The following RAPGEF4 variants were observed in gnomAD, a reference collection of about 807,000 sequenced individuals.
RAPGEF4 encodes RAP guanine-nucleotide-exchange factor (GEF) 4.
A neutral mutation model predicts 147.9 loss-of-function variants in RAPGEF4; 66 were observed. That is an observed-to-expected ratio of 0.45 (90% confidence interval 0.37 to 0.55). RAPGEF4 has a LOEUF of 0.55. RAPGEF4 is among the 20% of genes least tolerant of loss of function. The pLI is 0.00. For synonymous variants in RAPGEF4, 419 were observed against 442.7 expected (o/e 0.95, Z 0.67); for missense variants, 1,071 against 1,257.3 (o/e 0.85, Z 2.24).
At chr2:173,049,101 TTAA>T (rs1355748790) in intron 30 of RAPGEF4, among the ~76,000 whole-genome samples, 6 of 152,210 alleles carry the variant, frequency 3.9e-5, no homozygotes, top group Non-Finnish European at 7.3e-5. Context: ...CAAGAATGCA[TTAA>T]TGTTTATAGC....
chr2:172,837,638 A>G (rs574678766), intron 4 of RAPGEF4, among the ~76,000 whole-genome samples: 1 of 152,244 alleles, frequency 6.6e-6, no homozygotes, highest in Non-Finnish European at 1.5e-5. Context: ...GCAGTGGGGT[A>G]ATTGTAGCTC....
intron 1 of RAPGEF4, among the ~76,000 whole-genome samples, chr2:172,779,156 G>C (rs1001120184): frequency 6.6e-6 from 1 of 152,046 alleles, no homozygotes. Flanking sequence ...AGATACAATT[G>C]TTTTTAAAAA....
intron 20 of RAPGEF4, 62 bp from the exon 21 acceptor site, chr2:173,017,364 C>T (rs1347615990): frequency 3.3e-6 from 5 of 1,531,080 alleles, no homozygotes; most frequent in Non-Finnish European, 4.5e-6. Flanking sequence ...TGTGTCTTCT[C>T]TGAGATGCTA....
In RAPGEF4 at chr2:172,840,399, G is replaced by C. The variant is rs575975558; in HGVS notation, c.444+25974G>C. ...CCAGATCAACCTGGTTATCATAGCA[G>C]AGTACTATGTTTCCACTTCAACATC... is the stretch of plus-strand genomic sequence containing the variant. On this transcript the variant is annotated intron_variant, in intron 4 of 30. Transcript: ENST00000397081. Among the ~76,000 whole-genome samples the C allele has an allele frequency of 2.0e-5, 3 of 152,346 alleles. No homozygotes were observed. In the East Asian group the frequency reaches 5.8e-4, roughly 29 times the overall value.
At chr2:172,971,981 T>C (rs1348208021) in intron 10 of RAPGEF4, among the ~76,000 whole-genome samples, 1 of 150,902 alleles carries the variant, frequency 6.6e-6, no homozygotes, top group East Asian at 2.0e-4. Flanking sequence ...TTAAGAAATA[T>C]GGAAACGTGA....
chr2:173,050,971 A>G (rs922743715), intron 30 of RAPGEF4, among the ~76,000 whole-genome samples: 1 of 152,176 alleles, frequency 6.6e-6, no homozygotes, highest in East Asian at 1.9e-4. Context: ...GGTTAACCTC[A>G]GTTGCTCACA....
intron 6 of RAPGEF4, among the ~76,000 whole-genome samples, chr2:172,947,035 GA>G (rs1183989344): frequency 6.6e-6 from 1 of 152,210 alleles, no homozygotes; most frequent in African/African-American, 2.4e-5. Context: ...ACGTATTTGT[GA>G]AAATTTCTGA....
chr2:172,904,547 A>G (rs555293654), intron 4 of RAPGEF4, among the ~76,000 whole-genome samples: 14 of 152,218 alleles, frequency 9.2e-5, no homozygotes, highest in African/African-American at 3.1e-4. Context: ...CTAAAATTAC[A>G]CTCATACCAG....
chr2:172,744,567 T>C (rs1293754588), intron 1 of RAPGEF4: 1 of 301,760 alleles, frequency 3.3e-6, no homozygotes, highest in Non-Finnish European at 6.7e-6. Context: ...AGTTATTTGG[T>C]TCTAGTAGTT....
intron 4 of RAPGEF4, among the ~76,000 whole-genome samples, chr2:172,823,140 A>G (rs202092129): frequency 1.3e-5 from 2 of 152,234 alleles, no homozygotes; most frequent in East Asian, 1.9e-4. Context: ...ATCCAAGGAC[A>G]AAGAGATCTG....
In RAPGEF4 at chr2:173,020,661, G is replaced by A. The variant is rs61756295; in HGVS notation, c.2199G>A (p.Thr733=). The A allele has an allele frequency of 4.8e-5, 77 of 1,613,758 alleles. No homozygotes were observed. The highest frequency in any genetic ancestry group is 1.3e-4 in the East Asian group (6 of 44,866). Residue 733 remains threonine, a synonymous_variant, in exon 23 of 31, where the codon ACG becomes ACA. Coordinates refer to ENST00000397081, the MANE Select transcript of RAPGEF4 (RefSeq NM_007023.4). The part of the protein sequence containing the change: ...LKPNDVSVFT[T]LTINGRLFAC... ...CTAATGATGTTTCAGTATTTACGAC[G>A]CTCACCATTAATGGACGCCTGTTTG...
chr2:172,869,018 T>C (rs1694934209), intron 4 of RAPGEF4, among the ~76,000 whole-genome samples: 1 of 152,234 alleles, frequency 6.6e-6, no homozygotes, highest in Non-Finnish European at 1.5e-5. Context: ...ATCTTGTAGG[T>C]TCTCAATAAG....
chr2:173,037,272 T>C (rs78451663), intron 29 of RAPGEF4, among the ~76,000 whole-genome samples: 1 of 135,166 alleles, frequency 7.4e-6, no homozygotes, highest in Non-Finnish European at 1.7e-5. Context: ...CTGGCTAAAG[T>C]GCAGTGTTGT....
chr2:173,051,810 A>G lies in RAPGEF4; in HGVS notation c.*43A>G, dbSNP rs766574214. The G allele has an allele frequency of 3.1e-6, 5 of 1,604,110 alleles. No individual in the cohort carries two copies. Among genetic ancestry groups the G allele is most frequent in the Admixed American group, 1.7e-5 (1 of 59,466 alleles). On this transcript the variant is annotated 3_prime_UTR_variant, in exon 31 of 31. Coordinates refer to ENST00000397081, the MANE Select transcript of RAPGEF4 (RefSeq NM_007023.4). Reference sequence around the variant, plus strand: ...AGCAACAGTTTGTCTCCAGTCCACAATCTTTCAAAAATGCCATTTATGCTA... The same window carrying G: ...AGCAACAGTTTGTCTCCAGTCCACAGTCTTTCAAAAATGCCATTTATGCTA...
At chr2:172,860,784 T>G (rs1328750541) in intron 4 of RAPGEF4, among the ~76,000 whole-genome samples, 1 of 152,188 alleles carries the variant, frequency 6.6e-6, no homozygotes, top group Non-Finnish European at 1.5e-5. Flanking sequence ...CTGGGATGTT[T>G]GTATTGTTTC....
At chr2:173,033,762 T>A in intron 26 of RAPGEF4, 152 bp from the exon 27 acceptor site, 1 of 713,782 alleles carries the variant, frequency 1.4e-6, no homozygotes, top group South Asian at 1.9e-5. Flanking sequence ...AAGATTATTC[T>A]CAAATGGCAA....
intron 17 of RAPGEF4, among the ~76,000 whole-genome samples, chr2:173,013,579 TTTC>T (rs1243640248): frequency 6.6e-6 from 1 of 152,194 alleles, no homozygotes; most frequent in East Asian, 1.9e-4. Context: ...ACCTAAAATA[TTTC>T]TTGATTACCT....
intron 10 of RAPGEF4, among the ~76,000 whole-genome samples, chr2:172,976,726 C>T (rs1691115226): frequency 6.6e-6 from 1 of 152,204 alleles, no homozygotes; most frequent in Non-Finnish European, 1.5e-5. Context: ...CAATGTGCTG[C>T]TTGATGGCTG....
intron 4 of RAPGEF4, among the ~76,000 whole-genome samples, chr2:172,901,747 C>T (rs933851019): frequency 2.0e-5 from 3 of 152,186 alleles, no homozygotes; most frequent in African/African-American, 7.2e-5. Flanking sequence ...GAAATTCAAT[C>T]AGTGATTCTT....
Sources: gnomAD v4.1 joint callset for allele counts (sites outside exome capture counted in the v4.1 genomes callset) on GRCh38, gnomAD v4.1.1 for gene constraint, MANE v1.5 for transcripts, NCBI Gene and HGNC (gene_info 2026-07-23, HGNC 2026-07-21) for gene names.